Variants in SURF6 observed in about 807,000 individuals in gnomAD.
SURF6 encodes surfeit 6, also known as surfeit locus protein 6.
Under a neutral mutation model 37.5 loss-of-function variants are expected in SURF6, and 28 were observed. The ratio of observed to expected loss-of-function variants is 0.75; its 90% CI spans 0.55 to 1.02. The LOEUF (loss-of-function observed/expected upper bound fraction) is 1.02, where lower values mean the gene tolerates loss of function less well. Among genes scored for constraint, SURF6 ranks in the 50% least tolerant of loss-of-function variants. The pLI, the probability that SURF6 is intolerant of heterozygous loss-of-function variation, is 0.00. For synonymous variants in SURF6, 248 were observed against 210.9 expected, an observed-to-expected ratio of 1.18 and a Z score of -1.52; for missense variants, 560 against 490.5, an observed-to-expected ratio of 1.14 and a Z score of -1.34.
intron 4 of SURF6, 35 bp from the exon 5 acceptor site, chr9:133,332,383 C>G (rs2129918067): frequency 2.5e-5 from 39 of 1,548,390 alleles, no homozygotes; most frequent in Non-Finnish European, 3.1e-5. Context: ...TCATGCCAGC[C>G]CTGCACTAGG....
intron 4 of SURF6, 35 bp from the exon 5 acceptor site, chr9:133,332,383 C>A: frequency 6.5e-7 from 1 of 1,548,508 alleles, no homozygotes; most frequent in Non-Finnish European, 8.7e-7. Flanking sequence ...TCATGCCAGC[C>A]CTGCACTAGG....
chr9:133,333,662 C>T, intron 3 of SURF6, 56 bp downstream of exon 3: 2 of 1,553,292 alleles, frequency 1.3e-6, no homozygotes, highest in Non-Finnish European at 1.8e-6. Flanking sequence ...GACAGCTGAC[C>T]CCAGGGAGAA....
In SURF6 at chr9:133,336,081, T is replaced by A; in HGVS notation, c.52A>T (p.Ile18Phe). The change falls in exon 1 of 5, where the codon ATC becomes TTC. Residue 18 changes from isoleucine to phenylalanine, a missense_variant. Physicochemically the swap from Ile to Phe is conservative, Grantham distance 21. Transcript: ENST00000372022. Reference sequence around the variant, plus strand: ...TGTTCCGGGGCCGAATGGGAGCAGATCTTCTTGGCCAGGCTCTGCAGGTAG... The same window carrying A: ...TGTTCCGGGGCCGAATGGGAGCAGAACTTCTTGGCCAGGCTCTGCAGGTAG... ...DAYLQSLAKK[I>F]CSHSAPEQQA... is the part of the protein sequence containing the mutation. The A allele has an allele frequency of 6.2e-7, 1 of 1,612,834 alleles. No individual in the cohort carries two copies. Among genetic ancestry groups the A allele is most frequent in the Non-Finnish European group, 8.5e-7 (1 of 1,179,828 alleles).
In SURF6 at chr9:133,332,351, GGGA is replaced by G; in HGVS notation, c.607-6_607-4del. On this transcript the variant is annotated splice_region_variant and splice_polypyrimidine_tract_variant and intron_variant, in intron 4 of 4. Transcript: ENST00000372022. ...GGCTCGTCTTCGCTCACCTCCACCT[GGGA>G]GGAAGGTATGACATCAGCTCATGCC... 2 of 1,569,920 alleles carry G rather than the reference GGGA, an allele frequency of 1.3e-6. No individual in the cohort carries two copies. The highest frequency in any genetic ancestry group is 1.7e-6 in the Non-Finnish European group (2 of 1,160,596).
In SURF6 at chr9:133,330,773, T is replaced by A. The variant is rs1468610333; in HGVS notation, c.*1096A>T. 6.6e-6 allele frequency: 1 copy of A among 152,218 alleles called. No individual in the cohort carries two copies. Among genetic ancestry groups the A allele is most frequent in the African/African-American group, 2.4e-5 (1 of 41,458 alleles). The allele number at this position is 152,218 out of a possible 1,614,324, so 9.4% of individuals were successfully genotyped here. On this transcript the variant is annotated 3_prime_UTR_variant, in exon 5 of 5. Coordinates refer to ENST00000372022, the MANE Select transcript of SURF6 (RefSeq NM_006753.6). Reference sequence around the variant, plus strand: ...CGGTCAGATAACGACACTGATTCCTTGAAATATCTTAAGACTTCTTTTCTG... The same window carrying A: ...CGGTCAGATAACGACACTGATTCCTAGAAATATCTTAAGACTTCTTTTCTG...
At position 133,333,753 on chromosome 9, in the gene SURF6, G is replaced by C. The variant is rs782430714; in HGVS notation, c.358C>G (p.Arg120Gly). Residue 120 changes from arginine (R) to glycine (G), a missense_variant, in exon 3 of 5, where the codon CGA becomes GGA. Arg to Gly is a moderately radical substitution (Grantham distance 125). Transcript: ENST00000372022. ...SVFALDVLRQ[R>G]LHEKIQEARG... The stretch of plus-strand genomic sequence containing the variant: ...GCCTCCTGGATCTTCTCATGCAGTC[G>C]CTGTCGCAGAACATCCAGAGCAAAG... 6.2e-7 allele frequency: 1 copy of C among 1,613,762 alleles called. No individual in the cohort carries two copies. The highest frequency in any genetic ancestry group is 1.3e-5 in the African/African-American group (1 of 74,916).
chr9:133,331,828 G>A lies in SURF6; in HGVS notation c.*41C>T, dbSNP rs1835735097. 1 of 1,488,764 alleles carries A rather than the reference G, an allele frequency of 6.7e-7. No homozygotes were observed. The highest frequency in any genetic ancestry group is 1.4e-5 in the African/African-American group (1 of 69,990). 92.2% of individuals were successfully genotyped at this position (1,488,764 alleles called of 1,614,324 possible). Reference sequence around the variant, plus strand: ...TCAAGGACTCAGAGGGTGTCCTGGAGTCTCCTAGGACGGAAGACGGCGGCC... The same window carrying A: ...TCAAGGACTCAGAGGGTGTCCTGGAATCTCCTAGGACGGAAGACGGCGGCC... On this transcript the variant is annotated 3_prime_UTR_variant, in exon 5 of 5. Coordinates refer to ENST00000372022, the MANE Select transcript of SURF6 (RefSeq NM_006753.6).
At position 133,332,682 on chromosome 9, in the gene SURF6, T is replaced by TCCTC. The variant is rs1428225725; in HGVS notation, c.468_471dup (p.Lys158GlufsTer16). 9 of 1,612,234 alleles carry TCCTC rather than the reference T, an allele frequency of 5.6e-6. No homozygotes were observed. The highest frequency in any genetic ancestry group is 1.3e-5 in the African/African-American group (1 of 74,920). Reference sequence around the variant, plus strand: ...TCTTTCGCCCGCAGCTCCTTTCGCTTCCTCTTCTTCCGGTCCCGTTCCTGC... The same window carrying TCCTC: ...TCTTTCGCCCGCAGCTCCTTTCGCTTCCTCCCTCTTCTTCCGGTCCCGTTCCTGC... On this transcript the variant is annotated frameshift_variant, in exon 4 of 5. Transcript: ENST00000372022. LOFTEE classifies it high-confidence loss of function.
rs1287469618 is a variant in SURF6, at chr9:133,333,752, C to T, written c.359G>A (p.Arg120Gln). ...SVFALDVLRQ[R>Q]LHEKIQEARG... ...GGCCTCCTGGATCTTCTCATGCAGT[C>T]GCTGTCGCAGAACATCCAGAGCAAA... The change falls in exon 3 of 5, where the codon CGA (arginine) becomes CAA (glutamine). Residue 120 changes from arginine (R) to glutamine (Q), a missense_variant. Physicochemically the swap from Arg to Gln is conservative, Grantham distance 43. Coordinates refer to ENST00000372022, the MANE Select transcript of SURF6 (RefSeq NM_006753.6). 8 of 1,613,742 alleles carry T rather than the reference C, an allele frequency of 5.0e-6. No individual in the cohort carries two copies. Among genetic ancestry groups the T allele is most frequent in the Admixed American group, 3.3e-5 (2 of 59,984 alleles).
chr9:133,335,607 C>G (rs1235569189), intron 1 of SURF6, among the ~76,000 whole-genome samples: 2 of 151,898 alleles, frequency 1.3e-5, no homozygotes, highest in African/African-American at 4.8e-5. Context: ...CAGGAGCCCT[C>G]TGCCATCCTC....
Position 133,331,993 on chromosome 9 carries a change from C to A in SURF6, c.962G>T (p.Arg321Leu), listed in dbSNP as rs935231442. ...TAGVVEKMQQ[R>L]QDRRRQNLRR... Reference sequence around the variant, plus strand: ...CAGGTTCTGCCGCCGCCGGTCCTGGCGCTGCTGCATCTTCTCCACCACGCC... The same window carrying A: ...CAGGTTCTGCCGCCGCCGGTCCTGGAGCTGCTGCATCTTCTCCACCACGCC... The change falls in exon 5 of 5, where the codon CGC becomes CTC. Residue 321 changes from arginine to leucine, a missense_variant. Arg to Leu is a moderately radical substitution (Grantham distance 102, BLOSUM62 -2). Transcript: ENST00000372022. The A allele has an allele frequency of 6.3e-7, 1 of 1,598,726 alleles. No homozygotes were observed. Among genetic ancestry groups the A allele is most frequent in the Non-Finnish European group, 8.5e-7 (1 of 1,178,878 alleles).
intron 3 of SURF6, 113 bp downstream of exon 3, chr9:133,333,605 T>A: frequency 1.0e-6 from 1 of 962,084 alleles, no homozygotes; most frequent in East Asian, 2.6e-5. Context: ...GCTGGGGCCC[T>A]GCCAGACTCG....
chr9:133,335,894 C>T (rs587774795), intron 1 of SURF6, 145 bp downstream of exon 1: 2 of 695,218 alleles, frequency 2.9e-6, no homozygotes, highest in Non-Finnish European at 4.5e-6. Flanking sequence ...AAAACAAAAA[C>T]AAAAAAAACA....
chr9:133,336,019 G>T lies in SURF6; in HGVS notation c.94+20C>A. 6.2e-7 allele frequency: 1 copy of T among 1,605,190 alleles called. No individual in the cohort carries two copies. Among genetic ancestry groups the T allele is most frequent in the East Asian group, 2.2e-5 (1 of 44,634 alleles). ...CCCGTTTCGCAGGCCCCTTAGTCCC[G>T]GCCCGGCCCTGTGCGTTACCCCGCG... On this transcript the variant is annotated intron_variant, in intron 1 of 4. Coordinates refer to ENST00000372022, the MANE Select transcript of SURF6 (RefSeq NM_006753.6).
Position 133,332,139 on chromosome 9 carries a change from G to A in SURF6, c.816C>T (p.Asn272=), listed in dbSNP as rs1364433258. The A allele has an allele frequency of 2.0e-5, 33 of 1,610,806 alleles. No individual in the cohort carries two copies. The highest frequency in any genetic ancestry group is 2.7e-5 in the African/African-American group (2 of 74,946). ...TCACGCCCTCCGCCTTGTAGAGGAG[G>A]TTGGTCCACTTCATCTTCGCCTCCA... ...QELEAKMKWT[N]LLYKAEGVKI... Residue 272 remains asparagine (N), a synonymous_variant, in exon 5 of 5, where the codon AAC becomes AAT. Transcript: ENST00000372022.
rs1181241682 is a variant in SURF6, at chr9:133,332,153, T to A, written c.802A>T (p.Met268Leu). ...EGKAQELEAK[M>L]KWTNLLYKAE... ...TTGTAGAGGAGGTTGGTCCACTTCA[T>A]CTTCGCCTCCAGCTCCTGCGCCTTC... Residue 268 changes from methionine (M) to leucine (L), a missense_variant, in exon 5 of 5, where the codon ATG becomes TTG. Met to Leu is a conservative substitution (Grantham distance 15). Coordinates refer to ENST00000372022, the MANE Select transcript of SURF6 (RefSeq NM_006753.6). 16 of 1,610,784 alleles carry A rather than the reference T, an allele frequency of 9.9e-6. No individual in the cohort carries two copies. Among genetic ancestry groups the A allele is most frequent in the Non-Finnish European group, 1.3e-5 (15 of 1,179,934 alleles).
rs2129912240 is a variant in SURF6 at position 133,331,886 on chromosome 9, G to A, written c.1069C>T (p.Arg357Cys). 7 of 1,518,128 alleles carry A rather than the reference G, an allele frequency of 4.6e-6. No individual in the cohort carries two copies. The East Asian group carries it at 6.8e-5, about 15-fold the overall frequency. The allele number at this position is 1,518,128 out of a possible 1,614,324, so 94.0% of individuals were successfully genotyped here. A position where few individuals can be genotyped will look rare whatever the true frequency, so the allele number is the denominator to read the frequency against. ...KGRILPQDLE[R>C]AGLV ...GGAAAGACTCAGACCAGGCCTGCGC[G>A]CTCCAGGTCCTGCGGCAGGATGCGG... Residue 357 changes from arginine to cysteine, a missense_variant, in exon 5 of 5, where the codon CGC (arginine) becomes TGC (cysteine). Transcript: ENST00000372022.
At chr9:133,332,866 C>T (rs1162967576) in intron 3 of SURF6, 106 bp from the exon 4 acceptor site, 11 of 1,150,158 alleles carry the variant, frequency 9.6e-6, no homozygotes, top group Non-Finnish European at 3.7e-6. Context: ...TGAGAAAATC[C>T]TCACGCAAAC....
intron 1 of SURF6, among the ~76,000 whole-genome samples, chr9:133,335,286 A>G (rs1298877953): frequency 6.6e-6 from 1 of 151,876 alleles, no homozygotes; most frequent in Admixed American, 6.6e-5. Context: ...GGGAGAAATC[A>G]GTCTAAGTAA....
Sources: allele counts gnomAD v4.1 joint callset (sites outside exome capture counted in the v4.1 genomes callset), GRCh38; gene constraint gnomAD v4.1.1; transcripts MANE v1.5; gene names NCBI Gene and HGNC (gene_info 2026-07-23, HGNC 2026-07-21).